The following MTCL1 variants were observed in gnomAD, a reference collection of about 807,000 sequenced individuals.
MTCL1 encodes the protein microtubule cross-linking factor 1.
A neutral mutation model predicts 141.4 loss-of-function variants in MTCL1; 79 were observed. The observed-to-expected ratio is 0.56, with a 90% CI of 0.47 to 0.67. The LOEUF (loss-of-function observed/expected upper bound fraction) is 0.67. MTCL1 is among the 30% of genes least tolerant of loss of function. The pLI, the probability that MTCL1 is intolerant of heterozygous loss-of-function variation, is 0.00. For synonymous variants in MTCL1, 914 were observed against 875.8 expected, an observed-to-expected ratio of 1.04 and a Z score of -0.77; for missense variants, 2,177 against 2,113.9, an observed-to-expected ratio of 1.03 and a Z score of -0.59.
chr18:8,761,450 T>C (rs2096432026), intron 4 of MTCL1, among the ~76,000 whole-genome samples: 1 of 152,186 alleles, frequency 6.6e-6, no homozygotes, highest in Admixed American at 6.5e-5. Flanking sequence ...AAGAACTTCA[T>C]CATCATCTCA....
intron 4 of MTCL1, among the ~76,000 whole-genome samples, chr18:8,744,184 C>T (rs1415476567): frequency 2.6e-5 from 4 of 152,260 alleles, no homozygotes; most frequent in South Asian, 4.1e-4. Flanking sequence ...CTGGCAGCTG[C>T]CCGGGCCCAC....
chr18:8,829,036 C>A, intron 16 of MTCL1: 1 of 1,611,688 alleles, frequency 6.2e-7, no homozygotes, highest in East Asian at 2.2e-5. Context: ...TGGCACCTGA[C>A]GCTCATCACC....
At chr18:8,715,009 G>A (rs949961676), upstream of MTCL1, among the ~76,000 whole-genome samples, 2 of 152,106 alleles carry the variant, frequency 1.3e-5, no homozygotes, top group African/African-American at 4.8e-5. Context: ...TGTTAGCCAG[G>A]ATGGTCTTGA....
rs147883454 is a variant in MTCL1 at position 8,798,201 on chromosome 18, A to G, written c.2346A>G (p.Pro782=). The change falls in exon 10 of 17, where the codon CCA becomes CCG. Residue 782 remains proline, a synonymous_variant. Coordinates refer to ENST00000359865, the Ensembl canonical transcript of MTCL1. ...ACAGTGACCGAGGCTGTGGCTTTCC[A>G]GTGGGGGAGCACTCCCCACACTCCC... 1.1e-5 allele frequency: 18 copies of G among 1,600,218 alleles called. No individual in the cohort carries two copies. The African/African-American group carries it at 1.8e-4, about 16-fold the overall frequency.
chr18:8,730,143 C>G (rs1014727374), intron 4 of MTCL1, among the ~76,000 whole-genome samples: 6 of 152,118 alleles, frequency 3.9e-5, no homozygotes, highest in African/African-American at 1.2e-4. Flanking sequence ...GTTCTCTGCT[C>G]TGTTCCATTG....
chr18:8,818,773 G>A (rs2076744418), intron 12 of MTCL1, among the ~76,000 whole-genome samples, 190 bp from the exon 12 acceptor site: 2 of 152,052 alleles, frequency 1.3e-5, no homozygotes, highest in African/African-American at 4.8e-5. Flanking sequence ...TAAAATTGTG[G>A]GTTTTGTAAA....
chr18:8,720,478 G>T, exon 4 of MTCL1: 2 of 1,613,992 alleles, frequency 1.2e-6, no homozygotes, highest in Non-Finnish European at 1.7e-6. Context: ...TCCAGAATGA[G>T]CTGGAGAGAC....
At chr18:8,797,730 G>A (rs8091326) in intron 9 of MTCL1, among the ~76,000 whole-genome samples, 19,679 of 152,216 alleles carry the variant, frequency 0.13, 1,356 homozygotes, top group Non-Finnish European at 0.15. Flanking sequence ...CCAACTATCC[G>A]TGACATAGAT....
chr18:8,706,856 C>G, intron 1 of MTCL1, 143 bp downstream of exon 1: 2 of 1,372,406 alleles, frequency 1.5e-6, no homozygotes, highest in Non-Finnish European at 1.9e-6. Flanking sequence ...CATTGTCAGG[C>G]ATTGGCAACT....
At chr18:8,824,500 T>G (rs556091726) in intron 14 of MTCL1, among the ~76,000 whole-genome samples, 199 bp from the exon 14 acceptor site, 1 of 152,282 alleles carries the variant, frequency 6.6e-6, no homozygotes, top group South Asian at 2.1e-4. Context: ...CAGGAACAAT[T>G]CCAGAGCCAC....
intron 12 of MTCL1, among the ~76,000 whole-genome samples, chr18:8,814,034 A>G (rs2076573645): frequency 6.6e-6 from 1 of 152,224 alleles, no homozygotes; most frequent in Non-Finnish European, 1.5e-5. Context: ...ATGAGGTCTC[A>G]AGGAAATGTA....
intron 16 of MTCL1, chr18:8,831,287 A>G (rs1401089483): frequency 8.6e-7 from 1 of 1,159,558 alleles, no homozygotes; most frequent in East Asian, 5.5e-5. Context: ...GCCTGTGGAG[A>G]CCGCTGCCAC....
intron 7 of MTCL1, among the ~76,000 whole-genome samples, chr18:8,791,083 A>G (rs1410259513): frequency 6.6e-6 from 1 of 152,158 alleles, no homozygotes; most frequent in African/African-American, 2.4e-5. Flanking sequence ...TGGATTAGGG[A>G]GATTGTTGCC....
upstream of MTCL1, chr18:8,705,599 G>GCCGCCGCCGCCA: frequency 1.7e-6 from 2 of 1,203,300 alleles, no homozygotes; most frequent in Non-Finnish European, 1.0e-6. This position sits in a 1 kb window ranked among gnomAD's most constrained non-coding sequence, Gnocchi z 5.2. Flanking sequence ...CGCCGCCGCC[G>GCCGCCGCCGCCA]CCGCCGCCGC....
intron 10 of MTCL1, among the ~76,000 whole-genome samples, chr18:8,805,865 C>T (rs2076281785): frequency 6.6e-6 from 1 of 152,168 alleles, no homozygotes; most frequent in Non-Finnish European, 1.5e-5. Context: ...ATCAAGGTAC[C>T]ATAATTGATT....
At chr18:8,792,974 C>A in intron 7 of MTCL1, 24 bp from the exon 7 acceptor site, 3 of 1,612,282 alleles carry the variant, frequency 1.9e-6, no homozygotes, top group Non-Finnish European at 2.5e-6. Context: ...TCCACTAAAC[C>A]CCTTCCTTTA....
chr18:8,766,794 T>A (rs655863), intron 4 of MTCL1, among the ~76,000 whole-genome samples: 55,932 of 152,042 alleles, frequency 0.37, 12,000 homozygotes, highest in East Asian at 0.59. Flanking sequence ...CAGCTGGGAC[T>A]TCCCTCCCTC....
chr18:8,793,182 A>T (rs1416656653), intron 8 of MTCL1, 62 bp downstream of exon 7: 1 of 1,594,736 alleles, frequency 6.3e-7, no homozygotes, highest in Admixed American at 1.7e-5. Context: ...CAAAGGAGAA[A>T]TGCCACGATA....
chr18:8,784,882 G>A (rs759079574), intron 6 of MTCL1, 39 bp downstream of exon 5: 2 of 1,507,712 alleles, frequency 1.3e-6, no homozygotes, highest in South Asian at 2.6e-5. Flanking sequence ...GCTCCGCCTT[G>A]CTCTTCCTCC....
Sources: allele counts gnomAD v4.1 joint callset (sites outside exome capture counted in the v4.1 genomes callset), GRCh38; gene constraint gnomAD v4.1.1; non-coding constraint Gnocchi (gnomAD v3.1); transcripts MANE v1.5; gene names NCBI Gene and HGNC (gene_info 2026-07-23, HGNC 2026-07-21).